GPR149: variants seen among roughly 807,000 people sequenced by gnomAD.
GPR149 encodes G protein-coupled receptor 149.
GPR149 carries 50 observed loss-of-function variants against 50.2 expected under a neutral mutation model. That is an observed-to-expected ratio of 1.00 (90% CI 0.79 to 1.26). GPR149 has a LOEUF of 1.26. Among genes scored for constraint, GPR149 ranks in the 50% most tolerant of loss-of-function variants. The pLI, the probability that GPR149 is intolerant of heterozygous loss-of-function variation, is 0.00. For missense variants in GPR149, 983 were observed against 895.4 expected (o/e 1.10, Z -1.25); for synonymous variants, 405 against 358.2 (o/e 1.13, Z -1.48).
chr3:154,383,834 T>G (rs1272018073), intron 3 of GPR149, among the ~76,000 whole-genome samples: 1 of 152,008 alleles, frequency 6.6e-6, no homozygotes, highest in Non-Finnish European at 1.5e-5. Context: ...ATTAGTGCCC[T>G]TGTAAAACAG....
intron 3 of GPR149, among the ~76,000 whole-genome samples, chr3:154,347,731 C>T (rs1279700655): frequency 1.3e-5 from 2 of 152,242 alleles, no homozygotes; most frequent in East Asian, 1.9e-4. Context: ...ATTCAGCTCA[C>T]ATTCCAAATC....
At position 154,407,068 on chromosome 3, in the gene GPR149, A is replaced by G. The variant is rs1038083283; in HGVS notation, c.1623+13971T>C. ...ATTGTGGGACTTATTCTCTACCACA[A>G]GAAGAGTATGGGGGAAACCACCCCT... is the stretch of plus-strand genomic sequence containing the variant. On this transcript the variant is annotated intron_variant, in intron 3 of 3. Transcript: ENST00000389740. Among the ~76,000 whole-genome samples, 9 of 152,242 alleles carry G rather than the reference A, an allele frequency of 5.9e-5. 1 individual carries two copies. The highest frequency in any genetic ancestry group is 4.6e-4 in the Admixed American group (7 of 15,290).
In GPR149 at chr3:154,336,876, A is replaced by C. The variant is rs1713667001; in HGVS notation, c.*823T>G. ...TGTACCTCTCATAACTGAATCTGCC[A>C]GTATTTTCTCCCAATTTCCACTCAA... On this transcript the variant is annotated 3_prime_UTR_variant, in exon 4 of 4. Transcript: ENST00000389740. 6.6e-6 allele frequency: 1 copy of C among 152,080 alleles called. No individual in the cohort carries two copies. Among genetic ancestry groups the C allele is most frequent in the Non-Finnish European group, 1.5e-5 (1 of 67,974 alleles). The allele number at this position is 152,080 out of a possible 1,614,324, so 9.4% of individuals were successfully genotyped here. A position where few individuals can be genotyped will look rare whatever the true frequency, so the allele number is the denominator to read the frequency against.
At position 154,354,170 on chromosome 3, in the gene GPR149, T is replaced by C. The variant is rs963738088; in HGVS notation, c.1624-15899A>G. On this transcript the variant is annotated intron_variant, in intron 3 of 3. Transcript: ENST00000389740. ...TTTGGCCTTGGAAGCATCCAGGTCATCTATAACAACATTTTCTCTTGTTTT... is the reference window on the plus strand; with the variant it reads ...TTTGGCCTTGGAAGCATCCAGGTCACCTATAACAACATTTTCTCTTGTTTT... The C allele has an allele frequency of 1.0e-5, 5 of 494,190 alleles. No individual in the cohort carries two copies. The African/African-American group carries it at 1.0e-4, about 10-fold the overall frequency. The allele number at this position is 494,190 out of a possible 1,614,324, so 30.6% of individuals were successfully genotyped here. A position where few individuals can be genotyped will look rare whatever the true frequency, so the allele number is the denominator to read the frequency against.
intron 3 of GPR149, among the ~76,000 whole-genome samples, chr3:154,361,972 C>T (rs371383199): frequency 6.6e-6 from 1 of 151,944 alleles, no homozygotes; most frequent in Non-Finnish European, 1.5e-5. Flanking sequence ...AATTGGAAGC[C>T]AAAATTTATA....
At position 154,429,824 on chromosome 3, in the gene GPR149, A is replaced by T; in HGVS notation, c.-209T>A. On this transcript the variant is annotated 5_prime_UTR_variant, in exon 1 of 4. Coordinates refer to ENST00000389740, the MANE Select transcript of GPR149 (RefSeq NM_001038705.3). ...AAATTAGGTTCCATTTCAAGCATAA[A>T]AAAAAAAAAACCCGAACAGATAACT... 2.9e-6 allele frequency: 1 copy of T among 344,222 alleles called. No homozygotes were observed. 21.3% of individuals were successfully genotyped at this position (344,222 alleles called of 1,614,324 possible).
intron 3 of GPR149, among the ~76,000 whole-genome samples, chr3:154,386,671 G>A (rs2108409668): frequency 6.6e-6 from 1 of 152,268 alleles, no homozygotes; most frequent in Non-Finnish European, 1.5e-5. Flanking sequence ...GGGAGACTGT[G>A]TTCTATGGAC....
chr3:154,429,175 C>A lies in GPR149; in HGVS notation c.441G>T (p.Ser147=). 2 of 1,613,934 alleles carry A rather than the reference C, an allele frequency of 1.2e-6. No individual in the cohort carries two copies. Among genetic ancestry groups the A allele is most frequent in the South Asian group, 1.1e-5 (1 of 91,082 alleles). ...GVGSQTASRR[S]GQVLGVVLTV... ...TCAGCACCACGCCGAGCACCTGGCC[C>A]GATCTTCTGGAGGCTGTCTGGCTCC... is the stretch of plus-strand genomic sequence containing the variant. Residue 147 remains serine, a synonymous_variant, in exon 1 of 4, where the codon TCG becomes TCT. Coordinates refer to ENST00000389740, the MANE Select transcript of GPR149 (RefSeq NM_001038705.3).
intron 3 of GPR149, among the ~76,000 whole-genome samples, chr3:154,383,287 G>A (rs1470089060): frequency 6.6e-6 from 1 of 152,102 alleles, no homozygotes; most frequent in Non-Finnish European, 1.5e-5. Context: ...CCACTGAGCA[G>A]GCCAAATTTA....
chr3:154,337,794 T>C lies in GPR149; in HGVS notation c.2101A>G (p.Lys701Glu), dbSNP rs1002603764. ...DTVEAHRQNS[K>E]RQHQERDGYQ... ...CCATCCCTCTCTTGATGCTGCCTTT[T>C]ACTGTTCTGCCTGTGTGCTTCTACT... Residue 701 changes from lysine (K) to glutamate (E), a missense_variant, in exon 4 of 4, where the codon AAA becomes GAA. By Grantham distance (56) the Lys-to-Glu change is moderately conservative. Coordinates refer to ENST00000389740, the MANE Select transcript of GPR149 (RefSeq NM_001038705.3). 1 of 1,614,084 alleles carries C rather than the reference T, an allele frequency of 6.2e-7. No homozygotes were observed. Among genetic ancestry groups the C allele is most frequent in the Non-Finnish European group, 8.5e-7 (1 of 1,179,964 alleles).
At chr3:154,379,547 T>G (rs1005476938) in intron 3 of GPR149, among the ~76,000 whole-genome samples, 4 of 152,270 alleles carry the variant, frequency 2.6e-5, no homozygotes, top group Admixed American at 1.3e-4. Context: ...TTTTCCTAAA[T>G]TTTCTTCTAT....
chr3:154,382,502 A>C (rs9817998), intron 3 of GPR149, among the ~76,000 whole-genome samples: 31,790 of 152,214 alleles, frequency 0.21, 4,116 homozygotes, highest in South Asian at 0.32. Flanking sequence ...TAATTCACTA[A>C]AGGGTCAAAT....
intron 3 of GPR149, among the ~76,000 whole-genome samples, chr3:154,376,770 C>T (rs1714801123): frequency 6.6e-6 from 1 of 152,062 alleles, no homozygotes; most frequent in Admixed American, 6.6e-5. Flanking sequence ...TTGCACTGCT[C>T]CTGAGAGGCA....
intron 3 of GPR149, 124 bp from the exon 4 acceptor site, chr3:154,338,395 T>C (rs754782865): frequency 9.1e-4 from 703 of 772,824 alleles, no homozygotes; most frequent in Non-Finnish European, 1.3e-3. Context: ...CCTAGAAACA[T>C]TTTACAGATA....
chr3:154,429,034 G>A lies in GPR149; in HGVS notation c.582C>T (p.Leu194=). Residue 194 remains leucine, a synonymous_variant, in exon 1 of 4, where the codon CTC becomes CTT. Transcript: ENST00000389740. ...VDCSSSYVLF[L]SIVYALAFGL... ...CGAAGGCCAAAGCGTACACGATAGA[G>A]AGGAATAGTACGTAGGAGCTGGAGC... The A allele has an allele frequency of 6.2e-7, 1 of 1,614,046 alleles. No individual in the cohort carries two copies. The highest frequency in any genetic ancestry group is 1.1e-5 in the South Asian group (1 of 91,088).
rs1186861649 is a variant in GPR149, at chr3:154,336,221, C to A, written c.*1478G>T. 1 of 151,938 alleles carries A rather than the reference C, an allele frequency of 6.6e-6. No homozygotes were observed. Among genetic ancestry groups the A allele is most frequent in the African/African-American group, 2.4e-5 (1 of 41,396 alleles). 9.4% of individuals were successfully genotyped at this position (151,938 alleles called of 1,614,324 possible). A position where few individuals can be genotyped will look rare whatever the true frequency, so the allele number is the denominator to read the frequency against. ...TGAGAAGTTAAAGATTGAGAAAGTC[C>A]ATTGAGATAATTATTTTGAAAATGA... On this transcript the variant is annotated 3_prime_UTR_variant, in exon 4 of 4. Transcript: ENST00000389740.
intron 3 of GPR149, among the ~76,000 whole-genome samples, chr3:154,412,383 CA>C (rs1711861590): frequency 6.6e-6 from 1 of 151,954 alleles, no homozygotes; most frequent in Non-Finnish European, 1.5e-5. Context: ...CAAATTGGCA[CA>C]GAGGAAGTCA....
intron 3 of GPR149, among the ~76,000 whole-genome samples, chr3:154,415,679 A>G (rs1711965356): frequency 6.6e-6 from 1 of 151,966 alleles, no homozygotes; most frequent in Non-Finnish European, 1.5e-5. Context: ...GATATTTTAT[A>G]CAACAAAATG....
chr3:154,413,189 C>T (rs2108424946), intron 3 of GPR149, among the ~76,000 whole-genome samples: 1 of 152,028 alleles, frequency 6.6e-6, no homozygotes, highest in East Asian at 1.9e-4. Context: ...GACCTGAAGC[C>T]ATAAATATTC....
Sources: gnomAD v4.1 joint callset for allele counts (sites outside exome capture counted in the v4.1 genomes callset) on GRCh38, gnomAD v4.1.1 for gene constraint, MANE v1.5 for transcripts, NCBI Gene and HGNC (gene_info 2026-07-23, HGNC 2026-07-21) for gene names.